Variants in ACAP2 observed in about 807,000 individuals in gnomAD.
ACAP2 encodes the protein ArfGAP with coiled-coil, ankyrin repeat and PH domains 2.
ACAP2 carries 39 observed loss-of-function variants against 115.8 expected under a neutral mutation model. That is an observed-to-expected ratio of 0.34 (90% CI 0.26 to 0.44). ACAP2 has a LOEUF of 0.44. ACAP2 is among the 20% of genes least tolerant of loss of function. The pLI, the probability that ACAP2 is intolerant of heterozygous loss-of-function variation, is 1.00. For synonymous variants in ACAP2, 289 were observed against 315.8 expected, an observed-to-expected ratio of 0.92 and a Z score of 0.90; for missense variants, 662 against 927.6, an observed-to-expected ratio of 0.71 and a Z score of 3.72.
chr3:195,442,556 G>A (rs1716094612), intron 1 of ACAP2, among the ~76,000 whole-genome samples: 1 of 152,160 alleles, frequency 6.6e-6, no homozygotes, highest in Non-Finnish European at 1.5e-5. Context: ...GCTCCGCCCC[G>A]GCAGAGGGCA....
At chr3:195,342,091 C>T (rs1214379520) in intron 6 of ACAP2, among the ~76,000 whole-genome samples, 1 of 152,132 alleles carries the variant, frequency 6.6e-6, no homozygotes, top group South Asian at 2.1e-4. Context: ...CACTTCACCA[C>T]TATGCAATTC....
At chr3:195,356,213 G>A in intron 4 of ACAP2, 1 of 456,546 alleles carries the variant, frequency 2.2e-6, no homozygotes, top group Non-Finnish European at 4.4e-6. Flanking sequence ...CAGCAACTGT[G>A]GGACTACAAG....
intron 6 of ACAP2, among the ~76,000 whole-genome samples, chr3:195,337,901 C>T (rs562033093): frequency 2.3e-4 from 35 of 151,510 alleles, no homozygotes; most frequent in African/African-American, 8.5e-4. Flanking sequence ...GTACTCCGAC[C>T]TGAGCCCGGG....
At chr3:195,395,328 G>C (rs1486073440) in intron 1 of ACAP2, among the ~76,000 whole-genome samples, 1 of 151,982 alleles carries the variant, frequency 6.6e-6, no homozygotes, top group African/African-American at 2.4e-5. Flanking sequence ...GCAAAACAGA[G>C]AATAAGTAAT....
intron 1 of ACAP2, among the ~76,000 whole-genome samples, chr3:195,398,523 G>A (rs1826584): frequency 0.24 from 36,290 of 151,598 alleles, 5,073 homozygotes; most frequent in East Asian, 0.71. Flanking sequence ...TGTAATCCCC[G>A]CTACTCGGGA....
At chr3:195,367,560 T>C (rs182820935) in intron 4 of ACAP2, among the ~76,000 whole-genome samples, 1 of 152,244 alleles carries the variant, frequency 6.6e-6, no homozygotes, top group African/African-American at 2.4e-5. Context: ...ACTCTCCCAC[T>C]CACACGGTAG....
At chr3:195,342,683 T>C (rs747571586) in intron 5 of ACAP2, 29 bp from the exon 6 acceptor site, 7 of 1,556,530 alleles carry the variant, frequency 4.5e-6, no homozygotes, top group Non-Finnish European at 5.2e-6. Context: ...AGTGAAACTT[T>C]TATAACTTGC....
chr3:195,378,353 G>A (rs542521638), intron 4 of ACAP2, among the ~76,000 whole-genome samples: 2 of 152,108 alleles, frequency 1.3e-5, no homozygotes, highest in Non-Finnish European at 2.9e-5. Flanking sequence ...TTAGCTGGGC[G>A]TGGTGGCACG....
At chr3:195,374,626 A>G (rs1733390874) in intron 4 of ACAP2, among the ~76,000 whole-genome samples, 1 of 152,234 alleles carries the variant, frequency 6.6e-6, no homozygotes, top group Non-Finnish European at 1.5e-5. Flanking sequence ...TCTCGTCATT[A>G]ACAATGACCA....
At chr3:195,332,922 T>C (rs1730268952) in intron 8 of ACAP2, 106 bp downstream of exon 8, 4 of 728,512 alleles carry the variant, frequency 5.5e-6, no homozygotes, top group Admixed American at 5.8e-5. Flanking sequence ...GGCAGCTCTT[T>C]ATAGCAGTGT....
intron 1 of ACAP2, among the ~76,000 whole-genome samples, chr3:195,424,261 GTA>G (rs1277754660): frequency 0.014 from 771 of 54,648 alleles, 11 homozygotes; most frequent in South Asian, 0.021. Context: ...GTGTGTGTGT[GTA>G]TATATATATA....
chr3:195,381,981 G>A lies in ACAP2; in HGVS notation c.153C>T (p.Ala51=). Residue 51 remains alanine, a synonymous_variant, in exon 3 of 23, where the codon GCC becomes GCT. Coordinates refer to ENST00000326793, the MANE Select transcript of ACAP2 (RefSeq NM_012287.6). The stretch of plus-strand genomic sequence containing the variant: ...TGAACTGTTTATTTGCAACACAAAA[G>A]GCTTTTCCAGTATCAATCATTGCAA... ...LCIAMIDTGK[A]FCVANKQFMN... is the part of the protein sequence containing the mutation. The A allele has an allele frequency of 6.2e-7, 1 of 1,610,910 alleles. No individual in the cohort carries two copies. The highest frequency in any genetic ancestry group is 1.3e-5 in the African/African-American group (1 of 74,636).
intron 21 of ACAP2, among the ~76,000 whole-genome samples, chr3:195,288,188 G>A (rs1274768221): frequency 1.3e-5 from 2 of 152,082 alleles, no homozygotes; most frequent in African/African-American, 2.4e-5. Flanking sequence ...AAGAACATGG[G>A]GAGCATGGGC....
At chr3:195,291,907 C>A in intron 19 of ACAP2, 92 bp from the exon 20 acceptor site, 1 of 1,067,504 alleles carries the variant, frequency 9.4e-7, no homozygotes, top group South Asian at 1.8e-5. Flanking sequence ...TTTCGTTACT[C>A]AAATAGCATT....
chr3:195,332,004 G>T (rs924769937), intron 8 of ACAP2, among the ~76,000 whole-genome samples: 1 of 151,662 alleles, frequency 6.6e-6, no homozygotes, highest in African/African-American at 2.4e-5. Context: ...CATGGTGGCG[G>T]GCACCTGTAG....
intron 6 of ACAP2, among the ~76,000 whole-genome samples, chr3:195,339,010 C>A (rs749712032): frequency 1.3e-5 from 2 of 152,060 alleles, no homozygotes; most frequent in Non-Finnish European, 2.9e-5. Flanking sequence ...GTGGGCAGAT[C>A]GCTTGAGATT....
chr3:195,381,813 T>C, intron 3 of ACAP2, 90 bp downstream of exon 3: 1 of 1,426,600 alleles, frequency 7.0e-7, no homozygotes, highest in African/African-American at 1.4e-5. Flanking sequence ...AGTATCACCA[T>C]AACTATAAAT....
chr3:195,337,368 A>T (rs527718825), intron 6 of ACAP2, among the ~76,000 whole-genome samples: 2 of 152,190 alleles, frequency 1.3e-5, no homozygotes, highest in East Asian at 3.9e-4. Context: ...AGACTGCTGC[A>T]ATAGGCTATG....
At chr3:195,418,886 T>C (rs1713948290) in intron 1 of ACAP2, among the ~76,000 whole-genome samples, 1 of 152,206 alleles carries the variant, frequency 6.6e-6, no homozygotes, top group East Asian at 1.9e-4. Context: ...AAGTGTTTTG[T>C]AGTGACTACC....
Sources: gnomAD v4.1 joint callset for allele counts (sites outside exome capture counted in the v4.1 genomes callset) on GRCh38, gnomAD v4.1.1 for gene constraint, MANE v1.5 for transcripts, NCBI Gene and HGNC (gene_info 2026-07-23, HGNC 2026-07-21) for gene names.